Variants in PCDHAC1 observed in about 807,000 individuals in gnomAD.
PCDHAC1 encodes protocadherin alpha subfamily C, 1, also known as protocadherin alpha-C1.
PCDHAC1 carries 42 observed loss-of-function variants against 60.0 expected under a neutral mutation model. The ratio of observed to expected loss-of-function variants is 0.70; its 90% CI spans 0.55 to 0.90. The LOEUF is 0.90. Ranked by LOEUF, PCDHAC1 falls within the 40% of genes least tolerant of loss-of-function variation. PCDHAC1 has a pLI of 0.00. For missense variants in PCDHAC1, 1,160 were observed against 1,222.3 expected (o/e 0.95, Z 0.76); for synonymous variants, 468 against 499.3 (o/e 0.94, Z 0.84).
At chr5:140,974,496 T>C (rs1554236114) in intron 1 of PCDHAC1, among the ~76,000 whole-genome samples, 1 of 152,198 alleles carries the variant, frequency 6.6e-6, no homozygotes, top group Non-Finnish European at 1.5e-5. Flanking sequence ...TCAAATGTAT[T>C]ACCTTTGTGT....
Position 140,929,227 on chromosome 5 carries a change from G to T in PCDHAC1, c.2335G>T (p.Asp779Tyr), listed in dbSNP as rs141300036. The change falls in exon 1 of 4, where the codon GAC (aspartate) becomes TAC (tyrosine). Residue 779 changes from aspartate (D) to tyrosine (Y), a missense_variant. By Grantham distance (160) the Asp-to-Tyr change is radical. Around this residue, in one of 3 missense-constraint regions of PCDHAC1, gnomAD observed 1,113 missense variants for 1,163.7 expected, o/e 0.96. Transcript: ENST00000253807. ...LLLRGEYNAA[D>Y]LRNLATGVGL... ...GTTGCGTGGGGAGTACAATGCTGCC[G>T]ACCTGCGAAATCTTGCCACTGGGGT... 1.2e-6 allele frequency: 2 copies of T among 1,613,774 alleles called. No individual in the cohort carries two copies. The highest frequency in any genetic ancestry group is 1.7e-6 in the Non-Finnish European group (2 of 1,179,890).
chr5:140,966,864 T>A, intron 1 of PCDHAC1: 1 of 1,564,920 alleles, frequency 6.4e-7, no homozygotes. Flanking sequence ...CTGCTGTTGC[T>A]GCTGCTGCTA....
chr5:140,969,106 A>G, intron 1 of PCDHAC1: 1 of 1,614,132 alleles, frequency 6.2e-7, no homozygotes, highest in Non-Finnish European at 8.5e-7. Flanking sequence ...ACTTCATTGA[A>G]GTTCGAGGGA....
At chr5:140,994,733 C>G (rs2097647887) in intron 3 of PCDHAC1, among the ~76,000 whole-genome samples, 1 of 152,034 alleles carries the variant, frequency 6.6e-6, no homozygotes, top group Non-Finnish European at 1.5e-5. Context: ...CTGGGTATTG[C>G]AGGATGGCAA....
At chr5:140,945,440 T>C (rs932464631) in intron 1 of PCDHAC1, among the ~76,000 whole-genome samples, 1 of 151,948 alleles carries the variant, frequency 6.6e-6, no homozygotes, top group African/African-American at 2.4e-5. Context: ...TACAGAAATA[T>C]AAAAAACTTC....
chr5:140,969,140 T>G, intron 1 of PCDHAC1: 1 of 1,613,980 alleles, frequency 6.2e-7, no homozygotes, highest in Non-Finnish European at 8.5e-7. Flanking sequence ...CAAGACCTAC[T>G]GCTACAAGGC....
At chr5:140,956,740 C>T in intron 1 of PCDHAC1, among the ~76,000 whole-genome samples, 1 of 152,122 alleles carries the variant, frequency 6.6e-6, no homozygotes, top group East Asian at 1.9e-4. Context: ...CCTCTTTGTA[C>T]CTCTGATAGA....
intron 1 of PCDHAC1, chr5:140,968,523 A>G (rs1441549667): frequency 8.1e-6 from 13 of 1,613,762 alleles, no homozygotes; most frequent in African/African-American, 1.3e-5. Flanking sequence ...ACCTCAACCA[A>G]CTCGTCAGCA....
intron 3 of PCDHAC1, among the ~76,000 whole-genome samples, chr5:141,007,654 C>T (rs1461130528): frequency 6.6e-6 from 1 of 152,052 alleles, no homozygotes; most frequent in Non-Finnish European, 1.5e-5. Context: ...CCTAAAAAAC[C>T]ATAAATTTAC....
chr5:140,928,830 TTCC>T lies in PCDHAC1; in HGVS notation c.1944_1946del (p.Ser649del). 6.2e-7 allele frequency: 1 copy of T among 1,614,124 alleles called. No homozygotes were observed. Among genetic ancestry groups the T allele is most frequent in the Non-Finnish European group, 8.5e-7 (1 of 1,180,018 alleles). Reference sequence around the variant, plus strand: ...TTCGGGACCATGGAGACCCACCACTTTCCTCCTCTGTCACTCTGGGTGTGCTGT... The same window carrying T: ...TTCGGGACCATGGAGACCCACCACTTTCCTCTGTCACTCTGGGTGTGCTGT... On this transcript the variant is annotated inframe_deletion, in exon 1 of 4. Transcript: ENST00000253807.
At chr5:140,984,464 C>T (rs890686701) in intron 3 of PCDHAC1, among the ~76,000 whole-genome samples, 1 of 152,184 alleles carries the variant, frequency 6.6e-6, no homozygotes, top group Non-Finnish European at 1.5e-5. Context: ...GTCCCAGCCC[C>T]TCTTGTATAA....
chr5:141,000,689 A>G (rs1469257297), intron 3 of PCDHAC1, among the ~76,000 whole-genome samples: 1 of 151,438 alleles, frequency 6.6e-6, no homozygotes, highest in African/African-American at 2.4e-5. Context: ...CTGCCTCCCA[A>G]AGTGCTGGGA....
At chr5:140,967,102 G>T (rs1279026258) in intron 1 of PCDHAC1, 1 of 1,612,978 alleles carries the variant, frequency 6.2e-7, no homozygotes, top group African/African-American at 1.3e-5. Context: ...CGCTGTGTGA[G>T]CAGCGGCCTC....
chr5:140,929,496 G>T, intron 1 of PCDHAC1, 171 bp downstream of exon 1: 14 of 989,736 alleles, frequency 1.4e-5, no homozygotes, highest in Non-Finnish European at 1.8e-5. Context: ...TTAGAAGATT[G>T]CCCTAGGCCT....
In PCDHAC1 at chr5:140,927,592, G is replaced by T; in HGVS notation, c.700G>T (p.Glu234Ter). 6.2e-7 allele frequency: 1 copy of T among 1,614,170 alleles called. No individual in the cohort carries two copies. The highest frequency in any genetic ancestry group is 1.7e-5 in the Admixed American group (1 of 60,034). ...CACAAATGACAACGCGCCTGTATTT[G>T]AGCGCTCCGTATACCGCACCAAGGT... Reference protein sequence around the residue: ...VDTNDNAPVFERSVYRTKVPE... With the variant: ...VDTNDNAPVF Residue 234 changes from glutamate (E) to a stop codon, truncating the protein, a stop_gained, in exon 1 of 4, where the codon GAG becomes TAG. Transcript: ENST00000253807. LOFTEE classifies it high-confidence loss of function.
chr5:140,991,837 C>T (rs1379982421), intron 3 of PCDHAC1, among the ~76,000 whole-genome samples: 3 of 152,158 alleles, frequency 2.0e-5, no homozygotes, highest in African/African-American at 7.2e-5. Context: ...ACGGCAGAAC[C>T]GCACTTCCAG....
At chr5:140,988,424 G>C (rs1563549055) in intron 3 of PCDHAC1, among the ~76,000 whole-genome samples, 1 of 152,158 alleles carries the variant, frequency 6.6e-6, no homozygotes, top group Non-Finnish European at 1.5e-5. Context: ...TAAAGAATTT[G>C]TTTGTTTTGG....
chr5:140,997,124 C>T (rs933067358), intron 3 of PCDHAC1, among the ~76,000 whole-genome samples: 2 of 152,074 alleles, frequency 1.3e-5, no homozygotes, highest in Non-Finnish European at 2.9e-5. Context: ...CCCACATACA[C>T]AATGCCCCCA....
At chr5:140,942,851 G>T (rs1211748532) in intron 1 of PCDHAC1, among the ~76,000 whole-genome samples, 2 of 151,980 alleles carry the variant, frequency 1.3e-5, no homozygotes, top group Non-Finnish European at 2.9e-5. Flanking sequence ...CCAGTAAGAT[G>T]ATTATTTTGC....
Sources: allele counts gnomAD v4.1 joint callset (sites outside exome capture counted in the v4.1 genomes callset), GRCh38; gene constraint gnomAD v4.1.1; regional missense constraint gnomAD v4.1.1; transcripts MANE v1.5; gene names NCBI Gene and HGNC (gene_info 2026-07-23, HGNC 2026-07-21).